TRIM24: variants seen among roughly 807,000 people sequenced by gnomAD.
TRIM24 encodes the protein tripartite motif containing 24.
TRIM24 carries 29 observed loss-of-function variants against 123.9 expected under a neutral mutation model. The observed-to-expected ratio is 0.23, with a 90% CI of 0.17 to 0.32. TRIM24 has a LOEUF of 0.32. Ranked by LOEUF, TRIM24 falls within the 10% of genes least tolerant of loss-of-function variation. The pLI is 1.00. For synonymous variants in TRIM24, 456 were observed against 461.1 expected (o/e 0.99, Z 0.14); for missense variants, 932 against 1,295.3 (o/e 0.72, Z 4.31).
intron 1 of TRIM24, among the ~76,000 whole-genome samples, chr7:138,482,023 C>T (rs1406850400): frequency 6.6e-6 from 1 of 152,104 alleles, no homozygotes; most frequent in Non-Finnish European, 1.5e-5. Flanking sequence ...ATTATGTATG[C>T]GTGAGTCTGT....
chr7:138,572,383 A>G lies in TRIM24; in HGVS notation c.1879-1124A>G, dbSNP rs144478331. ...GAAAAATATTGGCCAAGTATTGCCAAAAGAATATTAAAACAAAAATGACCC... is the reference window on the plus strand; with the variant it reads ...GAAAAATATTGGCCAAGTATTGCCAGAAGAATATTAAAACAAAAATGACCC... On this transcript the variant is annotated intron_variant, in intron 11 of 18. Transcript: ENST00000343526. 8.2e-3 allele frequency among the ~76,000 whole-genome samples: 1,251 copies of G among 152,252 alleles called. 17 individuals carry two copies. The highest frequency in any genetic ancestry group is 0.028 in the African/African-American group (1,150 of 41,534).
chr7:138,585,999 A>T lies in TRIM24; in HGVS notation c.*1048A>T, dbSNP rs759049078. ...AGGCAGCTGGGGGGAATTAATAGTG[A>T]TTTTTTTTTTTTCCTGAAGCATCTA... On this transcript the variant is annotated 3_prime_UTR_variant, in exon 19 of 19. Transcript: ENST00000343526. 68 of 372,600 alleles carry T rather than the reference A, an allele frequency of 1.8e-4. No homozygotes were observed. Among genetic ancestry groups the T allele is most frequent in the Non-Finnish European group, 3.0e-4 (56 of 185,774 alleles). The allele number at this position is 372,600 out of a possible 1,614,324, so 23.1% of individuals were successfully genotyped here. A position where few individuals can be genotyped will look rare whatever the true frequency, so the allele number is the denominator to read the frequency against.
chr7:138,510,087 C>G (rs1405248924), intron 2 of TRIM24, among the ~76,000 whole-genome samples: 1 of 152,156 alleles, frequency 6.6e-6, no homozygotes, highest in Non-Finnish European at 1.5e-5. Context: ...ACTGCTGCAC[C>G]TGGGATGAAG....
intron 1 of TRIM24, among the ~76,000 whole-genome samples, chr7:138,464,012 T>TTTTA (rs1795076246): frequency 7.3e-6 from 1 of 137,162 alleles, no homozygotes; most frequent in African/African-American, 2.7e-5. Flanking sequence ...TTTTTTTTTT[T>TTTTA]GAGACGGAGT....
At chr7:138,503,592 G>T in intron 1 of TRIM24, among the ~76,000 whole-genome samples, 1 of 146,994 alleles carries the variant, frequency 6.8e-6, no homozygotes, top group Admixed American at 6.8e-5. Flanking sequence ...GTCTTCCATA[G>T]TTTAAATTAT....
intron 4 of TRIM24, among the ~76,000 whole-genome samples, chr7:138,521,660 C>T (rs145741125): frequency 2.0e-5 from 3 of 152,168 alleles, no homozygotes; most frequent in Non-Finnish European, 2.9e-5. Flanking sequence ...AGACAGGTTT[C>T]GGACTGGATA....
chr7:138,500,899 C>T (rs867971241), intron 1 of TRIM24, among the ~76,000 whole-genome samples: 1 of 151,974 alleles, frequency 6.6e-6, no homozygotes, highest in Non-Finnish European at 1.5e-5. Flanking sequence ...CTGTAGTATT[C>T]ATCTGTAACG....
chr7:138,490,694 C>A, intron 1 of TRIM24: 1 of 426,698 alleles, frequency 2.3e-6, no homozygotes, highest in Non-Finnish European at 4.5e-6. Flanking sequence ...TGAGTTTTTC[C>A]AGTTCAAACC....
At chr7:138,483,862 A>G (rs1163323284) in intron 1 of TRIM24, among the ~76,000 whole-genome samples, 1 of 152,184 alleles carries the variant, frequency 6.6e-6, no homozygotes, top group African/African-American at 2.4e-5. Context: ...CTGAAACTCA[A>G]TATTTAAGCA....
intron 13 of TRIM24, 73 bp from the exon 14 acceptor site, chr7:138,577,347 T>A (rs1797781751): frequency 8.1e-7 from 1 of 1,228,710 alleles, no homozygotes; most frequent in Non-Finnish European, 1.1e-6. Context: ...TTTAGAAAGT[T>A]GTTGTTATAC....
chr7:138,545,008 C>T, intron 7 of TRIM24, among the ~76,000 whole-genome samples: 1 of 152,210 alleles, frequency 6.6e-6, no homozygotes, highest in Admixed American at 6.5e-5. Context: ...ATTGAACACA[C>T]CTTGGATTCA....
rs992916116 is a variant in TRIM24 at position 138,460,407 on chromosome 7, G to A, written c.-142G>A. ...GGCCTGAGGAGGCTTCCCCCGCCCGGTTTGCTTTCCCTCCCTCGCTGGCGC... is the reference window on the plus strand; with the variant it reads ...GGCCTGAGGAGGCTTCCCCCGCCCGATTTGCTTTCCCTCCCTCGCTGGCGC... On this transcript the variant is annotated 5_prime_UTR_variant, in exon 1 of 19. Transcript: ENST00000343526. 7.5e-6 allele frequency: 7 copies of A among 937,852 alleles called. No individual in the cohort carries two copies. Among genetic ancestry groups the A allele is most frequent in the Middle Eastern group, 3.7e-4 (1 of 2,730 alleles). 58.1% of individuals were successfully genotyped at this position (937,852 alleles called of 1,614,324 possible).
At position 138,586,776 on chromosome 7, in the gene TRIM24, A is replaced by G. The variant is rs1798027435; in HGVS notation, c.*1825A>G. 1 of 152,198 alleles carries G rather than the reference A, an allele frequency of 6.6e-6. No homozygotes were observed. The highest frequency in any genetic ancestry group is 2.1e-4 in the South Asian group (1 of 4,830). The allele number at this position is 152,198 out of a possible 1,614,324, so 9.4% of individuals were successfully genotyped here. A position where few individuals can be genotyped will look rare whatever the true frequency, so the allele number is the denominator to read the frequency against. On this transcript the variant is annotated 3_prime_UTR_variant, in exon 19 of 19. Transcript: ENST00000343526. ...GATAATTTTATTGTTGGTATCTTAGAATACTGTTCGTCTGACAGTTTATTC... is the reference window on the plus strand; with the variant it reads ...GATAATTTTATTGTTGGTATCTTAGGATACTGTTCGTCTGACAGTTTATTC...
chr7:138,569,454 AGATAT>A (rs1417387795), intron 10 of TRIM24, among the ~76,000 whole-genome samples: 3 of 152,264 alleles, frequency 2.0e-5, no homozygotes, highest in Non-Finnish European at 4.4e-5. Flanking sequence ...GCAGTAATCT[AGATAT>A]GATTTTCTGA....
chr7:138,525,643 A>C (rs1316231662), intron 5 of TRIM24, among the ~76,000 whole-genome samples: 1 of 152,234 alleles, frequency 6.6e-6, no homozygotes, highest in African/African-American at 2.4e-5. Context: ...CCAAAATTTA[A>C]ATGCCAAATC....
intron 1 of TRIM24, among the ~76,000 whole-genome samples, chr7:138,462,338 CTTTT>C (rs34920255): frequency 1.6e-5 from 2 of 124,404 alleles, no homozygotes; most frequent in Non-Finnish European, 1.7e-5. Context: ...GTGCAAAAAT[CTTTT>C]TTTTTTTTTT....
intron 1 of TRIM24, among the ~76,000 whole-genome samples, chr7:138,482,435 C>T (rs1038190508): frequency 3.3e-5 from 5 of 151,888 alleles, no homozygotes; most frequent in Non-Finnish European, 7.4e-5. Context: ...TAAAAAAAAT[C>T]ACTTTGGGGA....
At chr7:138,475,202 G>C (rs909277552) in intron 1 of TRIM24, among the ~76,000 whole-genome samples, 3 of 152,102 alleles carry the variant, frequency 2.0e-5, no homozygotes, top group Admixed American at 2.0e-4. Context: ...GAAGAATGGA[G>C]CTAATTTCTA....
At chr7:138,546,820 A>G (rs552898457) in intron 7 of TRIM24, among the ~76,000 whole-genome samples, 2 of 152,328 alleles carry the variant, frequency 1.3e-5, no homozygotes, top group African/African-American at 4.8e-5. Context: ...AGAAAGGGGA[A>G]CGCTTGCATC....
Sources: gnomAD v4.1 joint callset for allele counts (sites outside exome capture counted in the v4.1 genomes callset) on GRCh38, gnomAD v4.1.1 for gene constraint, MANE v1.5 for transcripts, NCBI Gene and HGNC (gene_info 2026-07-23, HGNC 2026-07-21) for gene names.